The following DDR2 variants were observed in gnomAD, a reference collection of about 807,000 sequenced individuals.
The protein encoded by DDR2 is discoidin domain receptor tyrosine kinase 2.
DDR2 carries 27 observed loss-of-function variants against 94.9 expected under a neutral mutation model. The ratio of observed to expected loss-of-function variants is 0.28; its 90% confidence interval spans 0.21 to 0.39. The LOEUF (loss-of-function observed/expected upper bound fraction) is 0.39. Among genes scored for constraint, DDR2 ranks in the 10% least tolerant of loss-of-function variants. The pLI is 1.00. For missense variants in DDR2, 783 were observed against 1,076.0 expected (o/e 0.73, Z 3.81); for synonymous variants, 382 against 377.2 (o/e 1.01, Z -0.15).
intron 2 of DDR2, among the ~76,000 whole-genome samples, chr1:162,702,178 C>T (rs183285511): frequency 3.9e-5 from 6 of 152,064 alleles, no homozygotes; most frequent in Admixed American, 2.0e-4. Context: ...CCTCACGTGG[C>T]GTTGTTGTGC....
At chr1:162,691,044 C>T (rs528303609) in intron 2 of DDR2, among the ~76,000 whole-genome samples, 2 of 152,248 alleles carry the variant, frequency 1.3e-5, no homozygotes, top group African/African-American at 2.4e-5. Context: ...TCGTGAGTCA[C>T]GAGCTCTCTC....
intron 3 of DDR2, among the ~76,000 whole-genome samples, chr1:162,737,215 A>G (rs1233200080): frequency 6.8e-6 from 1 of 147,718 alleles, no homozygotes; most frequent in Admixed American, 6.8e-5. Flanking sequence ...TGTGCAGGTT[A>G]GTTACATATG....
intron 2 of DDR2, among the ~76,000 whole-genome samples, chr1:162,673,417 G>C (rs534024893): frequency 6.6e-6 from 1 of 152,200 alleles, no homozygotes; most frequent in African/African-American, 2.4e-5. Context: ...TGACATCAAT[G>C]CTTAATGAGT....
At chr1:162,639,785 G>A (rs954107563) in intron 1 of DDR2, among the ~76,000 whole-genome samples, 1 of 152,202 alleles carries the variant, frequency 6.6e-6, no homozygotes, top group African/African-American at 2.4e-5. Context: ...GTGCAAAAGT[G>A]ATACTCATTC....
At chr1:162,731,576 A>G (rs1172622606) in intron 3 of DDR2, among the ~76,000 whole-genome samples, 2 of 152,200 alleles carry the variant, frequency 1.3e-5, no homozygotes, top group South Asian at 4.1e-4. Context: ...AACAAGTGCA[A>G]TTACTACCAT....
chr1:162,684,812 AACACACACACAC>A (rs56958157), intron 2 of DDR2, among the ~76,000 whole-genome samples: 2,624 of 138,038 alleles, frequency 0.019, 32 homozygotes, highest in African/African-American at 0.037. Context: ...CACACCCACC[AACACACACACAC>A]ACACACACAC....
chr1:162,746,529 G>C lies in DDR2; in HGVS notation c.83-6566G>C, dbSNP rs189877152. ...ACCAGGCCTGCCTGCCTCTGTAGAC[G>C]CCACCTCTGTGGGCAGGGCGTAGCT... On this transcript the variant is annotated intron_variant, in intron 3 of 17. Coordinates refer to ENST00000367921, the MANE Select transcript of DDR2 (RefSeq NM_006182.4). 1.3e-3 allele frequency among the ~76,000 whole-genome samples: 202 copies of C among 152,356 alleles called. 1 individual carries two copies. Among genetic ancestry groups the C allele is most frequent in the African/African-American group, 4.5e-3 (187 of 41,592 alleles).
intron 3 of DDR2, among the ~76,000 whole-genome samples, chr1:162,724,165 C>T (rs1661545561): frequency 6.6e-6 from 1 of 152,172 alleles, no homozygotes; most frequent in African/African-American, 2.4e-5. Context: ...CCACATTTAG[C>T]TAATAGTTAA....
In DDR2 at chr1:162,632,511, C is replaced by T. The variant is rs1311786111; in HGVS notation, c.-312C>T. The stretch of plus-strand genomic sequence containing the variant: ...GTGGATGTATGCCTACCACCGGGCT[C>T]CTTCACCAGCAAAGTGGAAAAAGAA... On this transcript the variant is annotated 5_prime_UTR_variant, in exon 1 of 18. Coordinates refer to ENST00000367921, the MANE Select transcript of DDR2 (RefSeq NM_006182.4). The T allele has an allele frequency of 1.3e-5, 2 of 152,172 alleles. No individual in the cohort carries two copies. The highest frequency in any genetic ancestry group is 2.4e-5 in the African/African-American group (1 of 41,424). The allele number at this position is 152,172 out of a possible 1,614,324, so 9.4% of individuals were successfully genotyped here.
chr1:162,677,989 T>C (rs1659220629), intron 2 of DDR2, among the ~76,000 whole-genome samples: 1 of 152,182 alleles, frequency 6.6e-6, no homozygotes, highest in African/African-American at 2.4e-5. Flanking sequence ...AGGGAAGCCA[T>C]AAAGAATTTG....
At chr1:162,706,174 G>GAGATGAAC (rs1660653411) in intron 2 of DDR2, among the ~76,000 whole-genome samples, 1 of 152,170 alleles carries the variant, frequency 6.6e-6, no homozygotes, top group African/African-American at 2.4e-5. Flanking sequence ...TCCTGGCAGT[G>GAGATGAAC]AGATGAACAG....
intron 3 of DDR2, among the ~76,000 whole-genome samples, chr1:162,752,334 T>C (rs2102125511): frequency 6.6e-6 from 1 of 152,338 alleles, no homozygotes; most frequent in Admixed American, 6.5e-5. Context: ...CCACTCATTG[T>C]GTTGTATCCT....
chr1:162,753,579 C>G (rs1159769518), intron 4 of DDR2, among the ~76,000 whole-genome samples: 1 of 152,164 alleles, frequency 6.6e-6, no homozygotes, highest in Non-Finnish European at 1.5e-5. Flanking sequence ...AGCATCCACT[C>G]CTCTTCTCAG....
intron 14 of DDR2, 22 bp from the exon 15 acceptor site, chr1:162,775,630 T>A (rs533929160): frequency 1.9e-5 from 30 of 1,613,498 alleles, no homozygotes; most frequent in Middle Eastern, 1.7e-4. Flanking sequence ...TCTGAGTTTA[T>A]CTATGTCTGT....
At chr1:162,707,177 TTTG>T (rs1319624236) in intron 2 of DDR2, among the ~76,000 whole-genome samples, 1 of 152,158 alleles carries the variant, frequency 6.6e-6, no homozygotes, top group Non-Finnish European at 1.5e-5. Flanking sequence ...GCCAATCTGC[TTTG>T]TTCTACCATG....
chr1:162,687,495 T>C (rs938262812), intron 2 of DDR2, among the ~76,000 whole-genome samples: 2 of 152,216 alleles, frequency 1.3e-5, no homozygotes, highest in Non-Finnish European at 2.9e-5. Context: ...TTTTTTCTTT[T>C]TAAATTTTAC....
chr1:162,751,244 C>T (rs181602687), intron 3 of DDR2, among the ~76,000 whole-genome samples: 2 of 151,938 alleles, frequency 1.3e-5, no homozygotes, highest in Non-Finnish European at 2.9e-5. Flanking sequence ...TGCAATGTAC[C>T]CATCTGACAA....
intron 1 of DDR2, among the ~76,000 whole-genome samples, chr1:162,636,726 A>C (rs1290211543): frequency 6.6e-6 from 1 of 152,192 alleles, no homozygotes; most frequent in Admixed American, 6.5e-5. Context: ...AATGTATAGG[A>C]AACTGGAAAG....
At chr1:162,691,709 T>C (rs2101977496) in intron 2 of DDR2, among the ~76,000 whole-genome samples, 1 of 152,330 alleles carries the variant, frequency 6.6e-6, no homozygotes, top group South Asian at 2.1e-4. Context: ...GCTACCAACA[T>C]GGTGTCAATT....
Sources: allele counts gnomAD v4.1 joint callset (sites outside exome capture counted in the v4.1 genomes callset), GRCh38; gene constraint gnomAD v4.1.1; transcripts MANE v1.5; gene names NCBI Gene and HGNC (gene_info 2026-07-23, HGNC 2026-07-21).